The following CSMD1 variants were observed in gnomAD, a reference collection of about 807,000 sequenced individuals.
The protein encoded by CSMD1 is CUB and sushi domain-containing protein 1.
In CSMD1, 213 loss-of-function variants were observed where a neutral mutation model predicts 417.5. The observed-to-expected ratio is 0.51, with a 90% CI of 0.46 to 0.57. CSMD1 has a LOEUF of 0.57. Ranked by LOEUF, CSMD1 falls within the 20% of genes least tolerant of loss-of-function variation. The pLI is 0.00. For synonymous variants in CSMD1, 2,862 were observed against 1,736.8 expected (o/e 1.65, Z -16.11); for missense variants, 6,923 against 4,529.7 (o/e 1.53, Z -15.17).
intron 42 of CSMD1, among the ~76,000 whole-genome samples, chr8:3,115,922 C>G (rs1304431950): frequency 3.9e-5 from 6 of 152,096 alleles, no homozygotes; most frequent in Non-Finnish European, 7.4e-5. Context: ...GTACACTTGA[C>G]CTATATAGCA....
rs138908967 is a variant in CSMD1, at chr8:3,377,195, G to A, written c.2783-7825C>T. Among the ~76,000 whole-genome samples the A allele has an allele frequency of 1.1e-4, 16 of 152,218 alleles. No individual in the cohort carries two copies. The East Asian group carries it at 2.9e-3, about 28-fold the overall frequency. On this transcript the variant is annotated intron_variant, in intron 18 of 69. Transcript: ENST00000635120. Reference sequence around the variant, plus strand: ...AGCTAATTTTTGTGTTTTTTTGTGTGGAAATGGGGTTTTACTGTGTTGCCC... The same window carrying A: ...AGCTAATTTTTGTGTTTTTTTGTGTAGAAATGGGGTTTTACTGTGTTGCCC...
intron 5 of CSMD1, among the ~76,000 whole-genome samples, chr8:3,841,727 G>C (rs1209041815): frequency 6.6e-6 from 1 of 151,796 alleles, no homozygotes; most frequent in African/African-American, 2.4e-5. Flanking sequence ...AACTACAATA[G>C]TTCCCTCCTA....
At chr8:3,757,452 C>A (rs1195103633) in intron 5 of CSMD1, among the ~76,000 whole-genome samples, 1 of 152,116 alleles carries the variant, frequency 6.6e-6, no homozygotes, top group Non-Finnish European at 1.5e-5. Flanking sequence ...AAAATAGTTA[C>A]TTTTTGATTG....
At chr8:4,820,625 T>C (rs552919334) in intron 1 of CSMD1, among the ~76,000 whole-genome samples, 3 of 152,168 alleles carry the variant, frequency 2.0e-5, no homozygotes, top group East Asian at 1.9e-4. Context: ...TGAAGTAATT[T>C]TGAGTTGAAA....
At chr8:3,424,198 T>A (rs1011402614) in intron 12 of CSMD1, among the ~76,000 whole-genome samples, 10 of 152,182 alleles carry the variant, frequency 6.6e-5, no homozygotes, top group Non-Finnish European at 1.5e-4. Context: ...ATTTGTTTAG[T>A]ACAGGAAGCT....
rs369845642 is a variant in CSMD1 at position 3,894,931 on chromosome 8, A to G, written c.818+102972T>C. 9.3e-4 allele frequency among the ~76,000 whole-genome samples: 141 copies of G among 152,338 alleles called. 1 individual carries two copies. The highest frequency in any genetic ancestry group is 3.2e-3 in the African/African-American group (131 of 41,580). ...CCTAGTATTCAACACTGTACCATAC[A>G]GATGACAATTTCCAATATGATGAAT... is the stretch of plus-strand genomic sequence containing the variant. On this transcript the variant is annotated intron_variant, in intron 5 of 69. Transcript: ENST00000635120.
chr8:3,047,819 T>C (rs1035763851), intron 50 of CSMD1, among the ~76,000 whole-genome samples: 1 of 152,220 alleles, frequency 6.6e-6, no homozygotes, highest in Non-Finnish European at 1.5e-5. Context: ...AGGAAAACAC[T>C]TGAGTGTGTC....
intron 2 of CSMD1, among the ~76,000 whole-genome samples, chr8:4,516,586 T>C (rs1163569466): frequency 6.6e-6 from 1 of 152,154 alleles, no homozygotes; most frequent in Non-Finnish European, 1.5e-5. Flanking sequence ...GAAGAGCTTG[T>C]GTTGTATGGG....
intron 23 of CSMD1, among the ~76,000 whole-genome samples, chr8:3,318,375 G>A (rs1334663845): frequency 6.6e-6 from 1 of 152,124 alleles, no homozygotes; most frequent in Admixed American, 6.5e-5. Context: ...ATTCATTAAT[G>A]CAATCACTTA....
At chr8:4,698,431 T>A (rs1032142711) in intron 1 of CSMD1, among the ~76,000 whole-genome samples, 1 of 152,128 alleles carries the variant, frequency 6.6e-6, no homozygotes, top group East Asian at 1.9e-4. Flanking sequence ...TAAAACAGGC[T>A]TGGTGTGATT....
At chr8:3,614,087 C>G (rs992389907) in intron 8 of CSMD1, among the ~76,000 whole-genome samples, 1 of 152,080 alleles carries the variant, frequency 6.6e-6, no homozygotes, top group African/African-American at 2.4e-5. Context: ...TATACACATA[C>G]ACACACCATA....
intron 47 of CSMD1, among the ~76,000 whole-genome samples, chr8:3,096,487 G>A (rs1252877534): frequency 1.3e-5 from 2 of 152,038 alleles, no homozygotes; most frequent in Non-Finnish European, 2.9e-5. Context: ...TGTCTCTCAT[G>A]CCTGCCGTCA....
At position 4,672,516 on chromosome 8, in the gene CSMD1, T is replaced by C. The variant is rs114346311; in HGVS notation, c.86-34958A>G. 3.3e-3 allele frequency among the ~76,000 whole-genome samples: 497 copies of C among 152,272 alleles called. 2 individuals carry two copies. The highest frequency in any genetic ancestry group is 0.011 in the African/African-American group (474 of 41,562). Reference sequence around the variant, plus strand: ...TGATGAAAAAAAGCTTTAATAAGGATCTTTGGTGAAATATGCACCTATAAT... The same window carrying C: ...TGATGAAAAAAAGCTTTAATAAGGACCTTTGGTGAAATATGCACCTATAAT... On this transcript the variant is annotated intron_variant, in intron 1 of 69. Coordinates refer to ENST00000635120, the MANE Select transcript of CSMD1 (RefSeq NM_033225.6).
chr8:3,286,736 T>C lies in CSMD1; in HGVS notation c.3951-2390A>G, dbSNP rs1189108306. On this transcript the variant is annotated intron_variant, in intron 25 of 69. Transcript: ENST00000635120. ...TTCTGGTTATTAGCCCTTTGTCAGA[T>C]GAGTAGATTGCAAAAATTTTCTCCC... Among the ~76,000 whole-genome samples the C allele has an allele frequency of 7.2e-5, 11 of 152,136 alleles. No homozygotes were observed. In the East Asian group the frequency reaches 2.1e-3, roughly 29 times the overall value.
intron 5 of CSMD1, among the ~76,000 whole-genome samples, chr8:3,769,915 T>C (rs910129160): frequency 3.9e-5 from 6 of 152,224 alleles, no homozygotes; most frequent in Non-Finnish European, 5.9e-5. Flanking sequence ...GAAATGCCTA[T>C]TGCAATATTG....
chr8:3,963,664 A>G (rs1812478896), intron 5 of CSMD1, among the ~76,000 whole-genome samples: 1 of 152,216 alleles, frequency 6.6e-6, no homozygotes, highest in African/African-American at 2.4e-5. Flanking sequence ...TGTGCGTATG[A>G]TTTTGTATGT....
chr8:4,572,140 T>C (rs1449698308), intron 2 of CSMD1, among the ~76,000 whole-genome samples: 1 of 152,240 alleles, frequency 6.6e-6, no homozygotes, highest in African/African-American at 2.4e-5. Flanking sequence ...TTGTTATGTG[T>C]GAATTCGAAC....
chr8:4,790,257 A>G (rs2117229301), intron 1 of CSMD1, among the ~76,000 whole-genome samples: 1 of 152,334 alleles, frequency 6.6e-6, no homozygotes, highest in Admixed American at 6.5e-5. Context: ...TAAAATAACT[A>G]GGAATACAGC....
chr8:4,556,770 T>A (rs372884174), intron 2 of CSMD1, among the ~76,000 whole-genome samples: 8 of 152,190 alleles, frequency 5.3e-5, no homozygotes, highest in African/African-American at 1.9e-4. Context: ...TCCAAAATGA[T>A]CCAAAACACC....
Sources: allele counts gnomAD v4.1 joint callset (sites outside exome capture counted in the v4.1 genomes callset), GRCh38; gene constraint gnomAD v4.1.1; transcripts MANE v1.5; gene names NCBI Gene and HGNC (gene_info 2026-07-23, HGNC 2026-07-21).